CDKAL1: variants seen among roughly 807,000 people sequenced by gnomAD.
CDKAL1 encodes threonylcarbamoyladenosine tRNA methylthiotransferase.
Under a neutral mutation model 68.2 loss-of-function variants are expected in CDKAL1, and 32 were observed. That is an observed-to-expected ratio of 0.47 (90% CI 0.35 to 0.63). The LOEUF (loss-of-function observed/expected upper bound fraction) is 0.63, where lower values mean the gene tolerates loss of function less well. Among genes scored for constraint, CDKAL1 ranks in the 30% least tolerant of loss-of-function variants. CDKAL1 has a pLI of 0.00. For missense variants in CDKAL1, 606 were observed against 696.7 expected (o/e 0.87, Z 1.47); for synonymous variants, 234 against 244.3 (o/e 0.96, Z 0.39).
intron 9 of CDKAL1, among the ~76,000 whole-genome samples, chr6:20,904,660 A>G (rs569045446): frequency 9.2e-5 from 14 of 152,078 alleles, no homozygotes; most frequent in Non-Finnish European, 2.1e-4. Context: ...GTGGTGGCAC[A>G]TGCCTGTAAT....
intron 14 of CDKAL1, among the ~76,000 whole-genome samples, chr6:21,198,533 ATTGGTTGGTTGG>A (rs1021858367): frequency 6.6e-6 from 1 of 152,038 alleles, no homozygotes; most frequent in Admixed American, 6.6e-5. Context: ...TGGTTGGTTG[ATTGGTTGGTTGG>A]TTGGTTGGTT....
chr6:20,877,804 G>T (rs181492190), intron 9 of CDKAL1, among the ~76,000 whole-genome samples: 353 of 152,288 alleles, frequency 2.3e-3, no homozygotes, highest in Non-Finnish European at 4.1e-3. Context: ...TGCTTAAAAT[G>T]TCTGTAGTTG....
At chr6:21,082,931 C>T (rs997131060) in intron 12 of CDKAL1, among the ~76,000 whole-genome samples, 21 of 144,782 alleles carry the variant, frequency 1.5e-4, no homozygotes, top group Middle Eastern at 3.6e-3. Flanking sequence ...TGGAGTGCAG[C>T]GGCACAGTCA....
chr6:20,865,792 C>T (rs192869420), intron 9 of CDKAL1, among the ~76,000 whole-genome samples: 1 of 152,220 alleles, frequency 6.6e-6, no homozygotes, highest in Admixed American at 6.5e-5. Flanking sequence ...TAATTTGAGA[C>T]TTGGGATCCA....
intron 15 of CDKAL1, among the ~76,000 whole-genome samples, chr6:21,203,932 G>C (rs1425332981): frequency 6.6e-6 from 1 of 152,106 alleles, no homozygotes; most frequent in Non-Finnish European, 1.5e-5. Flanking sequence ...CAAAATGATG[G>C]TGGGAATGGG....
At chr6:21,153,745 A>C (rs1317539542) in intron 13 of CDKAL1, among the ~76,000 whole-genome samples, 1 of 152,180 alleles carries the variant, frequency 6.6e-6, no homozygotes, top group African/African-American at 2.4e-5. Flanking sequence ...AGAGGGAAGA[A>C]GTGGGGAATA....
chr6:21,045,204 G>T (rs1230958170), intron 11 of CDKAL1, among the ~76,000 whole-genome samples: 1 of 152,158 alleles, frequency 6.6e-6, no homozygotes, highest in Non-Finnish European at 1.5e-5. Flanking sequence ...GGTTTTTATG[G>T]TCATTAGCTA....
intron 9 of CDKAL1, among the ~76,000 whole-genome samples, chr6:20,876,463 C>T (rs552893347): frequency 6.6e-6 from 1 of 152,300 alleles, no homozygotes; most frequent in East Asian, 1.9e-4. Context: ...GCAATTGTCT[C>T]TTATGTAGTG....
intron 4 of CDKAL1, among the ~76,000 whole-genome samples, chr6:20,639,593 C>A (rs570178731): frequency 1.8e-4 from 27 of 152,286 alleles, no homozygotes; most frequent in Non-Finnish European, 2.8e-4. Flanking sequence ...CCATGCTGAG[C>A]ATTGTGTAAG....
At chr6:20,748,555 GAAAAAAAAAAAAAAAAAAAAAAAA>G (rs760404728) in intron 6 of CDKAL1, among the ~76,000 whole-genome samples, 4,226 of 28,944 alleles carry the variant, frequency 0.15, 193 homozygotes, top group Middle Eastern at 0.25. Context: ...TCTGTTTCTG[GAAAAAAAAAAAAAAAAAAAAAAAA>G]AAAAAAAAAA....
intron 9 of CDKAL1, among the ~76,000 whole-genome samples, chr6:20,906,832 CAT>C (rs1249910219): frequency 1.3e-5 from 2 of 152,140 alleles, no homozygotes; most frequent in African/African-American, 4.8e-5. Context: ...CAGAGTCTGA[CAT>C]ATACTAGAAC....
intron 5 of CDKAL1, among the ~76,000 whole-genome samples, chr6:20,652,119 A>G (rs1768797519): frequency 6.6e-6 from 1 of 152,194 alleles, no homozygotes; most frequent in Non-Finnish European, 1.5e-5. Context: ...TAGTTTCAGG[A>G]GGATGGCTTT....
chr6:20,825,943 C>T (rs1301773018), intron 8 of CDKAL1, among the ~76,000 whole-genome samples: 1 of 152,080 alleles, frequency 6.6e-6, no homozygotes, highest in Non-Finnish European at 1.5e-5. Context: ...GGGGGGATTA[C>T]TTTATTACAT....
intron 11 of CDKAL1, among the ~76,000 whole-genome samples, chr6:21,021,283 T>A (rs1768648805): frequency 6.6e-6 from 1 of 152,204 alleles, no homozygotes; most frequent in African/African-American, 2.4e-5. Context: ...AGAATTGAGA[T>A]AATATGTGTT....
intron 8 of CDKAL1, among the ~76,000 whole-genome samples, chr6:20,784,412 C>CTCTTT (rs1775572083): frequency 3.0e-5 from 1 of 33,494 alleles, no homozygotes; most frequent in Non-Finnish European, 5.1e-5. Flanking sequence ...TATTTTATTT[C>CTCTTT]TTTTTTTTTT....
intron 15 of CDKAL1, among the ~76,000 whole-genome samples, chr6:21,219,424 T>C (rs1779453543): frequency 6.6e-6 from 1 of 152,146 alleles, no homozygotes. Context: ...CCCCTGAGTG[T>C]TTTCTATTTG....
intron 11 of CDKAL1, among the ~76,000 whole-genome samples, chr6:21,024,402 C>T (rs1399042181): frequency 6.6e-6 from 1 of 152,010 alleles, no homozygotes; most frequent in Admixed American, 6.6e-5. Flanking sequence ...AATCCCAGCA[C>T]TTTGGGAGGC....
intron 4 of CDKAL1, among the ~76,000 whole-genome samples, chr6:20,607,858 C>G (rs1766401387): frequency 6.6e-6 from 1 of 152,064 alleles, no homozygotes; most frequent in Admixed American, 6.5e-5. Flanking sequence ...CCACACCTGA[C>G]TAATTTTTGT....
At chr6:20,883,848 T>G (rs1204692633) in intron 9 of CDKAL1, among the ~76,000 whole-genome samples, 1 of 152,144 alleles carries the variant, frequency 6.6e-6, no homozygotes, top group Admixed American at 6.5e-5. Flanking sequence ...AAAAAGTAAT[T>G]GCACCCAGTA....
Sources: allele counts gnomAD v4.1 joint callset (sites outside exome capture counted in the v4.1 genomes callset), GRCh38; gene constraint gnomAD v4.1.1; transcripts MANE v1.5; gene names NCBI Gene and HGNC (gene_info 2026-07-23, HGNC 2026-07-21).